The following TMED3 variants were observed in gnomAD, a reference collection of about 807,000 sequenced individuals.
TMED3 encodes the protein transmembrane p24 trafficking protein 3, also known as transmembrane emp24 domain-containing protein 3.
A neutral mutation model predicts 15.0 loss-of-function variants in TMED3; 9 were observed. The observed-to-expected ratio is 0.60, with a 90% CI of 0.36 to 1.04. The LOEUF is 1.04. TMED3 is among the 50% of genes least tolerant of loss of function. TMED3 has a pLI of 0.01. For synonymous variants in TMED3, 117 were observed against 121.4 expected (o/e 0.96, Z 0.24); for missense variants, 267 against 278.9 (o/e 0.96, Z 0.30).
chr15:79,355,079 G>A (rs533100191), intron 2 of TMED3, among the ~76,000 whole-genome samples: 4 of 152,142 alleles, frequency 2.6e-5, no homozygotes, highest in Non-Finnish European at 5.9e-5. Context: ...AGTAATACAG[G>A]AAGTAAGCCC....
In TMED3 at chr15:79,362,630, G is replaced by A. The variant is rs982456000; in HGVS notation, c.417+48625G>A. Among the ~76,000 whole-genome samples the A allele has an allele frequency of 5.9e-5, 9 of 152,300 alleles. No homozygotes were observed. In the South Asian group the frequency reaches 6.2e-4, roughly 11 times the overall value. ...GTGTCATGGGAGGGACCTGGTTGGA[G>A]GTAATTGAATCATGGGGGCAGGTTT... On this transcript the variant is annotated intron_variant, in intron 2 of 2. Coordinates refer to the TMED3 transcript ENST00000424155.
chr15:79,375,007 A>G (rs1893400604), intron 2 of TMED3, among the ~76,000 whole-genome samples: 1 of 152,190 alleles, frequency 6.6e-6, no homozygotes, highest in Non-Finnish European at 1.5e-5. Context: ...CCATCCTTAA[A>G]TTGCTAATCT....
intron 2 of TMED3, among the ~76,000 whole-genome samples, chr15:79,403,210 G>A (rs1282338310): frequency 1.8e-5 from 2 of 112,022 alleles, no homozygotes; most frequent in East Asian, 5.3e-4. Context: ...GTGACAGCGG[G>A]ACTCTGTCTC....
chr15:79,323,551 A>G (rs746388715), downstream of TMED3, among the ~76,000 whole-genome samples: 12 of 152,240 alleles, frequency 7.9e-5, no homozygotes, highest in African/African-American at 2.2e-4. Context: ...GTGAAAAACA[A>G]TACAAAAATC....
chr15:79,374,781 G>C (rs1463162562), intron 2 of TMED3, among the ~76,000 whole-genome samples: 1 of 152,108 alleles, frequency 6.6e-6, no homozygotes, highest in African/African-American at 2.4e-5. Flanking sequence ...AATGGACCAG[G>C]GCAAACAGGT....
intron 2 of TMED3, among the ~76,000 whole-genome samples, chr15:79,366,519 G>A (rs1325191889): frequency 6.6e-6 from 1 of 152,160 alleles, no homozygotes; most frequent in Admixed American, 6.5e-5. Flanking sequence ...TTACCTTCTT[G>A]CTAATCAAAT....
intron 2 of TMED3, among the ~76,000 whole-genome samples, chr15:79,327,842 C>G (rs1277371591): frequency 6.6e-6 from 1 of 152,174 alleles, no homozygotes; most frequent in Non-Finnish European, 1.5e-5. Flanking sequence ...AGGGATGGTT[C>G]ATTTTATCTG....
At chr15:79,331,719 C>T (rs1208921043) in intron 2 of TMED3, among the ~76,000 whole-genome samples, 3 of 151,942 alleles carry the variant, frequency 2.0e-5, no homozygotes, top group Non-Finnish European at 4.4e-5. Context: ...AAAATAAATC[C>T]AATTAAACAA....
intron 2 of TMED3, chr15:79,383,810 T>C (rs1893581363): frequency 6.6e-6 from 1 of 152,140 alleles, no homozygotes; most frequent in African/African-American, 2.4e-5. Flanking sequence ...TGGCCCAAGG[T>C]CCTAGGTTTA....
At chr15:79,355,655 G>A (rs946354602) in intron 2 of TMED3, among the ~76,000 whole-genome samples, 1 of 152,148 alleles carries the variant, frequency 6.6e-6, no homozygotes, top group Non-Finnish European at 1.5e-5. Flanking sequence ...ACAGATTTGA[G>A]GGTGGGAAAA....
intron 2 of TMED3, among the ~76,000 whole-genome samples, chr15:79,402,405 A>T (rs1893845787): frequency 6.6e-6 from 1 of 152,170 alleles, no homozygotes; most frequent in Non-Finnish European, 1.5e-5. Context: ...AAAGTGAGAG[A>T]TTCATAATAG....
chr15:79,386,474 A>G (rs1383667774), intron 2 of TMED3, among the ~76,000 whole-genome samples: 2 of 152,024 alleles, frequency 1.3e-5, no homozygotes, highest in Admixed American at 6.5e-5. Context: ...TTCTTTGACT[A>G]TATGTCCTCC....
chr15:79,361,687 C>T (rs1461430959), intron 2 of TMED3, among the ~76,000 whole-genome samples: 1 of 149,800 alleles, frequency 6.7e-6, no homozygotes, highest in African/African-American at 2.5e-5. Context: ...ACCACCTGTT[C>T]CCCAATAACT....
chr15:79,326,238 G>A (rs1481275820), downstream of TMED3, among the ~76,000 whole-genome samples: 1 of 152,274 alleles, frequency 6.6e-6, no homozygotes, highest in East Asian at 1.9e-4. Flanking sequence ...TAATCCAAAA[G>A]GATATGCTAT....
chr15:79,375,332 T>A (rs935102173), intron 2 of TMED3, among the ~76,000 whole-genome samples: 1 of 152,114 alleles, frequency 6.6e-6, no homozygotes, highest in African/African-American at 2.4e-5. Flanking sequence ...TGTTTACCTA[T>A]CTCTTTCTTG....
intron 2 of TMED3, among the ~76,000 whole-genome samples, chr15:79,378,975 C>T (rs189299089): frequency 8.0e-4 from 122 of 152,174 alleles, no homozygotes; most frequent in Middle Eastern, 3.4e-3. Flanking sequence ...CAGTTGATGA[C>T]GTAATTAGGT....
intron 2 of TMED3, among the ~76,000 whole-genome samples, chr15:79,405,305 CCTCA>C (rs1296861595): frequency 6.6e-6 from 1 of 152,164 alleles, no homozygotes; most frequent in Non-Finnish European, 1.5e-5. Context: ...CACAGAGCAT[CCTCA>C]CTCCCTTCAG....
chr15:79,322,735 G>A lies in TMED3; in HGVS notation c.*521G>A. The A allele has an allele frequency of 1.0e-6, 1 of 985,832 alleles. No individual in the cohort carries two copies. The highest frequency in any genetic ancestry group is 1.2e-6 in the Non-Finnish European group (1 of 830,338). The allele number at this position is 985,832 out of a possible 1,614,324, so 61.1% of individuals were successfully genotyped here. ...CTCGGTGAGCAACAGTGTCAGCCAT[G>A]CAAGCAGGACAGAATGGTGACTGGG... On this transcript the variant is annotated 3_prime_UTR_variant, in exon 3 of 3. Transcript: ENST00000299705.
chr15:79,402,604 C>A (rs1014636363), intron 2 of TMED3, among the ~76,000 whole-genome samples: 2 of 151,382 alleles, frequency 1.3e-5, no homozygotes, highest in African/African-American at 2.4e-5. Flanking sequence ...ATGGTGAAAC[C>A]CCGTCTTTAC....
Sources: gnomAD v4.1 joint callset for allele counts (sites outside exome capture counted in the v4.1 genomes callset) on GRCh38, gnomAD v4.1.1 for gene constraint, MANE v1.5 for transcripts, NCBI Gene and HGNC (gene_info 2026-07-23, HGNC 2026-07-21) for gene names.